Variants in CNTNAP4 observed in about 807,000 individuals in gnomAD.
The protein encoded by CNTNAP4 is contactin associated protein family member 4, also known as contactin-associated protein-like 4.
A neutral mutation model predicts 148.4 loss-of-function variants in CNTNAP4; 98 were observed. The ratio of observed to expected loss-of-function variants is 0.66; its 90% CI spans 0.56 to 0.78. CNTNAP4 has a LOEUF of 0.78. CNTNAP4 is among the 30% of genes least tolerant of loss of function. The pLI, the probability that CNTNAP4 is intolerant of heterozygous loss-of-function variation, is 0.00. For synonymous variants in CNTNAP4, 730 were observed against 565.1 expected, an observed-to-expected ratio of 1.29 and a Z score of -4.14; for missense variants, 1,935 against 1,565.6, an observed-to-expected ratio of 1.24 and a Z score of -3.98.
chr16:76,355,253 A>G, intron 2 of CNTNAP4, 65 bp from the exon 3 acceptor site: 1 of 1,271,496 alleles, frequency 7.9e-7, no homozygotes, highest in Non-Finnish European at 1.1e-6. Context: ...GCATTTCTTT[A>G]CAAACATAGA....
chr16:76,339,418 A>T (rs567219389), intron 2 of CNTNAP4, among the ~76,000 whole-genome samples: 4 of 152,260 alleles, frequency 2.6e-5, no homozygotes, highest in African/African-American at 9.6e-5. Context: ...CACCACATTA[A>T]TTTAAATTTT....
At chr16:76,532,967 C>A (rs961475742) in intron 17 of CNTNAP4, among the ~76,000 whole-genome samples, 20 of 152,048 alleles carry the variant, frequency 1.3e-4, no homozygotes, top group African/African-American at 4.8e-4. Flanking sequence ...ACAATGTGAT[C>A]CAGCAATCTC....
chr16:76,397,132 A>G (rs1181156305), intron 3 of CNTNAP4, among the ~76,000 whole-genome samples: 1 of 151,986 alleles, frequency 6.6e-6, no homozygotes, highest in African/African-American at 2.4e-5. Context: ...GAGAAAGAAC[A>G]ACAAACCTTT....
chr16:76,489,430 G>T (rs1450151693), intron 12 of CNTNAP4, among the ~76,000 whole-genome samples: 1 of 152,004 alleles, frequency 6.6e-6, no homozygotes, highest in Non-Finnish European at 1.5e-5. Context: ...TAAATATTGT[G>T]TGGCTAAATT....
At chr16:76,482,170 T>C (rs554473532) in intron 12 of CNTNAP4, among the ~76,000 whole-genome samples, 1 of 152,212 alleles carries the variant, frequency 6.6e-6, no homozygotes, top group South Asian at 2.1e-4. Context: ...CTTTATAAGA[T>C]ACAATTTCAG....
chr16:76,511,188 G>T (rs1012339010), intron 15 of CNTNAP4, among the ~76,000 whole-genome samples: 3 of 152,108 alleles, frequency 2.0e-5, no homozygotes, highest in Non-Finnish European at 2.9e-5. Context: ...TTTATCACAT[G>T]TATTTCTTTT....
intron 3 of CNTNAP4, among the ~76,000 whole-genome samples, chr16:76,369,463 C>T (rs1013445899): frequency 6.6e-6 from 1 of 152,136 alleles, no homozygotes; most frequent in Non-Finnish European, 1.5e-5. Flanking sequence ...ACCAGGAAAG[C>T]TGGTGGTCTA....
At chr16:76,388,950 G>A (rs556631247) in intron 3 of CNTNAP4, among the ~76,000 whole-genome samples, 19 of 152,076 alleles carry the variant, frequency 1.2e-4, no homozygotes, top group Non-Finnish European at 2.5e-4. Flanking sequence ...AGTAATTCTA[G>A]AGAAAAGGAA....
chr16:76,395,670 A>T (rs545346978), intron 3 of CNTNAP4, among the ~76,000 whole-genome samples: 3 of 152,058 alleles, frequency 2.0e-5, no homozygotes, highest in Non-Finnish European at 4.4e-5. Flanking sequence ...AGGCAGTTCT[A>T]TTTTGGTCAC....
chr16:76,384,943 A>T (rs1361281390), intron 3 of CNTNAP4, among the ~76,000 whole-genome samples: 1 of 152,174 alleles, frequency 6.6e-6, no homozygotes, highest in African/African-American at 2.4e-5. Context: ...TTTTTTAAAA[A>T]ATCAATGAGT....
intron 3 of CNTNAP4, among the ~76,000 whole-genome samples, chr16:76,410,979 A>G (rs563355397): frequency 9.2e-5 from 14 of 151,628 alleles, no homozygotes; most frequent in African/African-American, 3.4e-4. Flanking sequence ...AATAAGACAT[A>G]TAGTGTCTAA....
intron 3 of CNTNAP4, among the ~76,000 whole-genome samples, chr16:76,413,521 C>T (rs1279128175): frequency 1.3e-5 from 2 of 150,776 alleles, no homozygotes; most frequent in African/African-American, 4.8e-5. Flanking sequence ...GCCAATAAGA[C>T]ATTCTCTTAT....
At position 76,277,513 on chromosome 16, in the gene CNTNAP4, G is replaced by T; in HGVS notation, c.-150G>T. 3.3e-6 allele frequency: 2 copies of T among 598,256 alleles called. No homozygotes were observed. Among genetic ancestry groups the T allele is most frequent in the East Asian group, 2.8e-5 (1 of 35,880 alleles). The allele number at this position is 598,256 out of a possible 1,614,324, so 37.1% of individuals were successfully genotyped here. A position where few individuals can be genotyped will look rare whatever the true frequency, so the allele number is the denominator to read the frequency against. On this transcript the variant is annotated 5_prime_UTR_variant, in exon 1 of 24. Transcript: ENST00000611870. ...AGAGAGGGAGGAGGGAAGAAGAAAA[G>T]ACGGAGGGAGGTGAGGAGGAAGGGA...
intron 4 of CNTNAP4, among the ~76,000 whole-genome samples, chr16:76,434,425 C>A (rs2079737164): frequency 6.6e-6 from 1 of 152,108 alleles, no homozygotes; most frequent in Non-Finnish European, 1.5e-5. Context: ...ACACCAGGTA[C>A]CAGGAGATGT....
At chr16:76,479,345 T>C in intron 11 of CNTNAP4, 74 bp from the exon 12 acceptor site, 1 of 1,315,318 alleles carries the variant, frequency 7.6e-7, no homozygotes, top group Non-Finnish European at 1.0e-6. Flanking sequence ...AGATTTGCGG[T>C]ATTTCATGTC....
At chr16:76,415,022 T>C (rs8056860) in intron 3 of CNTNAP4, among the ~76,000 whole-genome samples, 53,440 of 150,732 alleles carry the variant, frequency 0.35, 10,991 homozygotes, top group Non-Finnish European at 0.44. Context: ...TAATACCTCT[T>C]GTAGAAAGAA....
intron 2 of CNTNAP4, among the ~76,000 whole-genome samples, chr16:76,332,658 T>A (rs1043878928): frequency 7.9e-5 from 12 of 152,204 alleles, no homozygotes; most frequent in African/African-American, 2.9e-4. Context: ...GAGATTCCCA[T>A]TATGCATACA....
chr16:76,462,152 T>C (rs771129472), intron 9 of CNTNAP4, 47 bp downstream of exon 9: 21 of 1,528,198 alleles, frequency 1.4e-5, no homozygotes, highest in Non-Finnish European at 1.9e-5. Flanking sequence ...CATATTTGCA[T>C]TAGTGCCCCC....
At chr16:76,409,281 T>C (rs1283146352) in intron 3 of CNTNAP4, among the ~76,000 whole-genome samples, 3 of 152,008 alleles carry the variant, frequency 2.0e-5, no homozygotes, top group Non-Finnish European at 4.4e-5. Context: ...CACTTATGGT[T>C]ATTCTATATA....
Sources: gnomAD v4.1 joint callset for allele counts (sites outside exome capture counted in the v4.1 genomes callset) on GRCh38, gnomAD v4.1.1 for gene constraint, MANE v1.5 for transcripts, NCBI Gene and HGNC (gene_info 2026-07-23, HGNC 2026-07-21) for gene names.